Variants in AHDC1 observed in about 807,000 individuals in gnomAD.
The protein encoded by AHDC1 is transcription factor Gibbin.
In AHDC1, 7 loss-of-function variants were observed where a neutral mutation model predicts 87.9. The ratio of observed to expected loss-of-function variants is 0.08; its 90% CI spans 0.05 to 0.15. AHDC1 has a LOEUF of 0.15. AHDC1 is among the 10% of genes least tolerant of loss of function. The probability of loss-of-function intolerance (pLI) is 1.00; values close to 1 mark genes in which losing one functional copy is unlikely to be tolerated. For missense variants in AHDC1, 1,841 were observed against 2,253.2 expected (o/e 0.82, Z 3.70); for synonymous variants, 1,051 against 1,006.8 (o/e 1.04, Z -0.83).
chr1:27,556,083 T>A lies in AHDC1; in HGVS notation c.-225+2222A>T, dbSNP rs533032850. Among the ~76,000 whole-genome samples the A allele has an allele frequency of 7.9e-5, 12 of 152,242 alleles. No homozygotes were observed. In the South Asian group the frequency reaches 2.3e-3, roughly 29 times the overall value. On this transcript the variant is annotated intron_variant, in intron 5 of 8. Transcript: ENST00000673934. Reference sequence around the variant, plus strand: ...GGGTCAGTGTGTCTGAGCTTGCCCATAGGGACACCAGCTGGTTGGGAGGGG... The same window carrying A: ...GGGTCAGTGTGTCTGAGCTTGCCCAAAGGGACACCAGCTGGTTGGGAGGGG...
At chr1:27,572,497 T>C (rs2088563731) in intron 3 of AHDC1, among the ~76,000 whole-genome samples, 1 of 152,126 alleles carries the variant, frequency 6.6e-6, no homozygotes, top group Admixed American at 6.5e-5. Flanking sequence ...CTTACAACAC[T>C]GTTCTGGACA....
At chr1:27,538,400 C>CAAAAAAAAAAAAAAAAA (rs370786800) in intron 8 of AHDC1, among the ~76,000 whole-genome samples, 15 of 60,720 alleles carry the variant, frequency 2.5e-4, no homozygotes, top group African/African-American at 5.2e-4. Flanking sequence ...AAGACTGTCT[C>CAAAAAAAAAAAAAAAAA]AAAAAAAAAA....
At chr1:27,587,649 A>C (rs1311369398) in intron 3 of AHDC1, among the ~76,000 whole-genome samples, 3 of 152,146 alleles carry the variant, frequency 2.0e-5, no homozygotes, top group Non-Finnish European at 4.4e-5. Context: ...GACTAAGAAA[A>C]GAGTCTGGGC....
rs181537434 is a variant in AHDC1 at position 27,562,135 on chromosome 1, G to A, written c.-628-3252C>T. On this transcript the variant is annotated intron_variant, in intron 3 of 8. Coordinates refer to ENST00000673934, the MANE Select transcript of AHDC1 (RefSeq NM_001371928.1). This position sits in a 1 kb window ranked among gnomAD's most constrained non-coding sequence, Gnocchi z 4.4. ...GCAGGGTGGGCCGGGGAGAAGGGCC[G>A]AGGGGAGGCCTGTGTGGGCAGTAGA... Among the ~76,000 whole-genome samples, 183 of 152,228 alleles carry A rather than the reference G, an allele frequency of 1.2e-3. No homozygotes were observed. The highest frequency in any genetic ancestry group is 4.1e-3 in the African/African-American group (169 of 41,534).
chr1:27,585,029 C>T (rs11247650), intron 3 of AHDC1, among the ~76,000 whole-genome samples: 1,873 of 151,790 alleles, frequency 0.012, 33 homozygotes, highest in African/African-American at 0.042. Context: ...AAAAATTAGC[C>T]GGGTGTGGTG....
intron 5 of AHDC1, among the ~76,000 whole-genome samples, chr1:27,555,764 G>A (rs2019789680): frequency 6.6e-6 from 1 of 151,230 alleles, no homozygotes; most frequent in Non-Finnish European, 1.5e-5. Context: ...TCCCCGCCCT[G>A]GAGACCTCCC....
At chr1:27,566,794 T>G (rs2020340009) in intron 3 of AHDC1, among the ~76,000 whole-genome samples, 1 of 91,902 alleles carries the variant, frequency 1.1e-5, no homozygotes, top group Non-Finnish European at 2.1e-5. Context: ...TGGTTTCAGC[T>G]GGGGCAGTTG....
intron 3 of AHDC1, among the ~76,000 whole-genome samples, chr1:27,585,794 A>G (rs924209513): frequency 2.6e-5 from 4 of 151,732 alleles, no homozygotes; most frequent in African/African-American, 9.7e-5. Context: ...CCTTCCTCCA[A>G]CTGTTAACTC....
intron 8 of AHDC1, among the ~76,000 whole-genome samples, chr1:27,540,648 T>C (rs1268780084): frequency 1.5e-4 from 23 of 151,850 alleles, no homozygotes; most frequent in Non-Finnish European, 5.9e-5. Flanking sequence ...AGGTGGGAGA[T>C]GGGGTAGGAA....
At chr1:27,566,618 A>G (rs1407684803) in intron 3 of AHDC1, among the ~76,000 whole-genome samples, 1 of 135,532 alleles carries the variant, frequency 7.4e-6, no homozygotes, top group East Asian at 2.6e-4. Flanking sequence ...AGAGGGGGTG[A>G]CACTACTAAG....
intron 3 of AHDC1, among the ~76,000 whole-genome samples, chr1:27,594,005 T>A (rs900482686): frequency 6.6e-5 from 10 of 152,102 alleles, no homozygotes; most frequent in African/African-American, 2.4e-4. Context: ...GAGAAGGGAT[T>A]TGGGGGCTGT....
At chr1:27,557,450 C>A (rs2019877398) in intron 5 of AHDC1, among the ~76,000 whole-genome samples, 2 of 151,850 alleles carry the variant, frequency 1.3e-5, no homozygotes, top group South Asian at 4.2e-4. Flanking sequence ...CTGAAGAACT[C>A]CTCCTCCTGG....
In AHDC1 at chr1:27,560,491, C is replaced by T. The variant is rs2020026069; in HGVS notation, c.-628-1608G>A. Among the ~76,000 whole-genome samples the T allele has an allele frequency of 6.6e-6, 1 of 152,160 alleles. No homozygotes were observed. The highest frequency in any genetic ancestry group is 6.5e-5 in the Admixed American group (1 of 15,290). On this transcript the variant is annotated intron_variant, in intron 3 of 8. Coordinates refer to ENST00000673934, the MANE Select transcript of AHDC1 (RefSeq NM_001371928.1). The surrounding 1 kb of genome is among the most constrained non-coding windows in gnomAD (Gnocchi z 4.1). The stretch of plus-strand genomic sequence containing the variant: ...CAATCTCGAGGCCTGTGACTGCAGG[C>T]ACTGGTGTCACTGTGGATCAGTGTT...
At chr1:27,592,790 GC>G (rs2089262834) in intron 3 of AHDC1, among the ~76,000 whole-genome samples, 1 of 152,198 alleles carries the variant, frequency 6.6e-6, no homozygotes, top group African/African-American at 2.4e-5. Context: ...GGCTGAGCCG[GC>G]TGCCGGTTAA....
At chr1:27,585,242 A>T (rs1379750911) in intron 3 of AHDC1, among the ~76,000 whole-genome samples, 19 of 146,046 alleles carry the variant, frequency 1.3e-4, no homozygotes, top group Admixed American at 1.0e-3. Flanking sequence ...AACAGGAGTA[A>T]GACCCTGTCT....
intron 3 of AHDC1, among the ~76,000 whole-genome samples, chr1:27,566,725 G>C (rs963220766): frequency 7.0e-6 from 1 of 142,480 alleles, no homozygotes; most frequent in Non-Finnish European, 1.5e-5. Flanking sequence ...AACTGGGGGG[G>C]GACAGAGGAC....
At position 27,547,394 on chromosome 1, in the gene AHDC1, A is replaced by G; in HGVS notation, c.4722T>C (p.His1574=). ...TCTTGGGGCCCCCACCCAGGCCAGG[A>G]TGCGCCTGGGGCATAAAGCCTGGGT... ...YRYPGFMPQA[H]PGLGGGPKSG... The change falls in exon 8 of 9, where the codon CAT becomes CAC. Residue 1574 remains histidine (H), a synonymous_variant. Transcript: ENST00000673934. The surrounding 1 kb of genome is among the most constrained non-coding windows in gnomAD (Gnocchi z 4.9). 1 of 1,566,084 alleles carries G rather than the reference A, an allele frequency of 6.4e-7. No homozygotes were observed. The highest frequency in any genetic ancestry group is 8.7e-7 in the Non-Finnish European group (1 of 1,155,092).
chr1:27,582,690 G>A (rs1571320027), intron 3 of AHDC1, among the ~76,000 whole-genome samples: 1 of 152,210 alleles, frequency 6.6e-6, no homozygotes, highest in Non-Finnish European at 1.5e-5. Flanking sequence ...AGGAATGAAT[G>A]CATGAGTCAA....
chr1:27,567,021 T>C (rs978424792), intron 3 of AHDC1, among the ~76,000 whole-genome samples: 1 of 150,994 alleles, frequency 6.6e-6, no homozygotes, highest in African/African-American at 2.4e-5. Context: ...ATGCTGGGAG[T>C]GGAGCATGGC....
Sources: allele counts gnomAD v4.1 joint callset (sites outside exome capture counted in the v4.1 genomes callset), GRCh38; gene constraint gnomAD v4.1.1; non-coding constraint Gnocchi (gnomAD v3.1); transcripts MANE v1.5; gene names NCBI Gene and HGNC (gene_info 2026-07-23, HGNC 2026-07-21).